BEND6: variants seen among roughly 807,000 people sequenced by gnomAD.
BEND6 encodes the protein BEN domain containing 6.
A neutral mutation model predicts 31.8 loss-of-function variants in BEND6; 24 were observed. The observed-to-expected ratio is 0.75, with a 90% CI of 0.55 to 1.06. The LOEUF (loss-of-function observed/expected upper bound fraction) is 1.06, where lower values mean the gene tolerates loss of function less well. Among genes scored for constraint, BEND6 ranks in the 50% least tolerant of loss-of-function variants. The pLI, the probability that BEND6 is intolerant of heterozygous loss-of-function variation, is 0.00. For missense variants in BEND6, 294 were observed against 327.4 expected (o/e 0.90, Z 0.79); for synonymous variants, 109 against 114.6 (o/e 0.95, Z 0.31).
intron 2 of BEND6, among the ~76,000 whole-genome samples, chr6:56,987,233 G>A (rs1022453328): frequency 2.0e-5 from 3 of 151,898 alleles, no homozygotes; most frequent in African/African-American, 7.3e-5. Context: ...GCCCACCTCC[G>A]CCTCCCAAAG....
At chr6:56,973,995 T>C (rs1457963040) in intron 1 of BEND6, among the ~76,000 whole-genome samples, 1 of 152,132 alleles carries the variant, frequency 6.6e-6, no homozygotes, top group Non-Finnish European at 1.5e-5. Flanking sequence ...TCAAGTGATC[T>C]GCCCACCTCA....
intron 2 of BEND6, among the ~76,000 whole-genome samples, chr6:56,991,004 A>G (rs1048774018): frequency 6.6e-6 from 1 of 152,232 alleles, no homozygotes; most frequent in Non-Finnish European, 1.5e-5. Flanking sequence ...GACACTCAAC[A>G]AATAATTTTT....
At chr6:56,983,892 A>G (rs1366232407) in intron 2 of BEND6, among the ~76,000 whole-genome samples, 1 of 152,202 alleles carries the variant, frequency 6.6e-6, no homozygotes, top group African/African-American at 2.4e-5. Flanking sequence ...ACAAACAATG[A>G]CAAAGTAAAT....
chr6:56,987,337 A>AGC (rs1376182105), intron 2 of BEND6, among the ~76,000 whole-genome samples: 1 of 152,162 alleles, frequency 6.6e-6, no homozygotes, highest in Non-Finnish European at 1.5e-5. Context: ...CTAGGATACA[A>AGC]GCACATTTGG....
At chr6:56,985,199 G>A (rs1450219720) in intron 2 of BEND6, among the ~76,000 whole-genome samples, 1 of 152,166 alleles carries the variant, frequency 6.6e-6, no homozygotes, top group Non-Finnish European at 1.5e-5. Context: ...TGACCTCTCA[G>A]TAATTCAATT....
chr6:56,996,484 C>A (rs570191585), intron 3 of BEND6, among the ~76,000 whole-genome samples: 7 of 151,890 alleles, frequency 4.6e-5, no homozygotes, highest in Non-Finnish European at 8.8e-5. Flanking sequence ...AAAAAACACA[C>A]AAAAATCAAT....
At chr6:56,994,144 T>C (rs1010030412) in intron 3 of BEND6, among the ~76,000 whole-genome samples, 1 of 152,160 alleles carries the variant, frequency 6.6e-6, no homozygotes, top group Non-Finnish European at 1.5e-5. Context: ...GTTTATAAAA[T>C]TAGCATGAAT....
chr6:56,981,998 T>C (rs1181418054), intron 2 of BEND6, 68 bp downstream of exon 2: 32 of 1,481,090 alleles, frequency 2.2e-5, no homozygotes, highest in Admixed American at 9.2e-5. Context: ...GTTTCTTTCA[T>C]AATTTATTAG....
At chr6:56,980,155 A>G (rs758153873) in intron 1 of BEND6, among the ~76,000 whole-genome samples, 3 of 152,110 alleles carry the variant, frequency 2.0e-5, no homozygotes, top group Non-Finnish European at 4.4e-5. Flanking sequence ...TACTTTGCCT[A>G]TGCCTCTTGA....
At chr6:56,998,172 G>A (rs1826796474) in intron 3 of BEND6, among the ~76,000 whole-genome samples, 1 of 152,134 alleles carries the variant, frequency 6.6e-6, no homozygotes, top group African/African-American at 2.4e-5. Context: ...CTGCAGTTGG[G>A]AACTAGGAAG....
intron 2 of BEND6, among the ~76,000 whole-genome samples, chr6:56,982,403 T>G (rs1052000536): frequency 6.6e-6 from 1 of 152,206 alleles, no homozygotes; most frequent in Non-Finnish European, 1.5e-5. Flanking sequence ...ACATACTGTT[T>G]GTTTTTCTTT....
At chr6:57,001,027 A>T (rs939514576) in intron 3 of BEND6, among the ~76,000 whole-genome samples, 32 of 152,090 alleles carry the variant, frequency 2.1e-4, no homozygotes, top group African/African-American at 7.7e-4. Flanking sequence ...GGAAAAAAAA[A>T]GAAAAAAATC....
At chr6:57,022,158 C>CTCTTTT (rs1827766120) in intron 6 of BEND6, among the ~76,000 whole-genome samples, 1 of 122,436 alleles carries the variant, frequency 8.2e-6, no homozygotes, top group African/African-American at 2.9e-5. Flanking sequence ...TTCTTTTTTT[C>CTCTTTT]TTTTTCTTTT....
At chr6:56,972,896 T>A (rs954101131) in intron 1 of BEND6, among the ~76,000 whole-genome samples, 1 of 152,246 alleles carries the variant, frequency 6.6e-6, no homozygotes, top group Non-Finnish European at 1.5e-5. Context: ...CTTCTTGCTG[T>A]GTCCTCACAT....
chr6:56,961,426 C>T lies in BEND6; in HGVS notation c.-101+5966C>T, dbSNP rs576918811. ...TATTGGGAGGGAGACAAATGAGTCACCTAAGGTAACTCCCACTGGGATGTC... is the reference window on the plus strand; with the variant it reads ...TATTGGGAGGGAGACAAATGAGTCATCTAAGGTAACTCCCACTGGGATGTC... On this transcript the variant is annotated intron_variant, in intron 1 of 6. Transcript: ENST00000370746. Among the ~76,000 whole-genome samples the T allele has an allele frequency of 1.3e-4, 20 of 152,200 alleles. No homozygotes were observed. The South Asian group carries it at 4.1e-3, about 32-fold the overall frequency.
intron 2 of BEND6, among the ~76,000 whole-genome samples, chr6:56,986,980 T>G (rs1310518171): frequency 6.7e-6 from 1 of 149,434 alleles, no homozygotes; most frequent in Admixed American, 6.6e-5. Flanking sequence ...TTTCTTTTTT[T>G]TTTTTTTTTT....
intron 3 of BEND6, among the ~76,000 whole-genome samples, chr6:57,006,051 G>A (rs540758718): frequency 4.6e-5 from 7 of 152,280 alleles, no homozygotes; most frequent in Middle Eastern, 3.4e-3. Flanking sequence ...GCGTAGGAGC[G>A]AAGAGGTAAA....
intron 1 of BEND6, among the ~76,000 whole-genome samples, chr6:56,981,460 T>C (rs183496089): frequency 1.1e-4 from 16 of 152,278 alleles, no homozygotes; most frequent in Admixed American, 9.8e-4. Flanking sequence ...AAAAAACTTA[T>C]GAAAAAGTGT....
intron 3 of BEND6, among the ~76,000 whole-genome samples, chr6:57,005,815 C>T (rs569031683): frequency 1.1e-4 from 17 of 151,692 alleles, no homozygotes; most frequent in South Asian, 4.2e-4. Context: ...AATAAGTTGA[C>T]GAAAAATATT....
Sources: allele counts gnomAD v4.1 joint callset (sites outside exome capture counted in the v4.1 genomes callset), GRCh38; gene constraint gnomAD v4.1.1; transcripts MANE v1.5; gene names NCBI Gene and HGNC (gene_info 2026-07-23, HGNC 2026-07-21).